TESMIN: variants seen among roughly 807,000 people sequenced by gnomAD.
TESMIN encodes the protein CXC domain containing 2.
Under a neutral mutation model 47.4 loss-of-function variants are expected in TESMIN, and 34 were observed. That is an observed-to-expected ratio of 0.72 (90% CI 0.55 to 0.96). TESMIN has a LOEUF of 0.96. TESMIN is among the 40% of genes least tolerant of loss of function. The pLI is 0.00. For synonymous variants in TESMIN, 278 were observed against 258.9 expected, an observed-to-expected ratio of 1.07 and a Z score of -0.71; for missense variants, 610 against 637.2, an observed-to-expected ratio of 0.96 and a Z score of 0.46.
intron 7 of TESMIN, among the ~76,000 whole-genome samples, chr11:68,713,891 C>A (rs1433077182): frequency 6.6e-6 from 1 of 152,038 alleles, no homozygotes; most frequent in Non-Finnish European, 1.5e-5. Context: ...TTGTTTTATA[C>A]CCGGAGAAAC....
At chr11:68,742,472 G>A in intron 4 of TESMIN, 78 bp from the exon 5 acceptor site, 1 of 880,248 alleles carries the variant, frequency 1.1e-6, no homozygotes, top group South Asian at 1.6e-5. Flanking sequence ...AAGTACAAAA[G>A]TCTGTTATGG....
At chr11:68,706,022 CAAAA>C (rs11306603), downstream of TESMIN, among the ~76,000 whole-genome samples, 14 of 84,418 alleles carry the variant, frequency 1.7e-4, no homozygotes, top group African/African-American at 4.7e-4. Context: ...GACTCCGTCT[CAAAA>C]AAAAAAAAAA....
rs759921167 is a variant in TESMIN, at chr11:68,747,376, A to G, written c.472-10T>C. ...CTTCCTTGATTTCAACCTAGAAAAA[A>G]GCAATAATTATTTTAGAGAACACAT... is the stretch of plus-strand genomic sequence containing the variant. On this transcript the variant is annotated splice_polypyrimidine_tract_variant and intron_variant, in intron 2 of 9. Transcript: ENST00000255087. 4 of 1,607,932 alleles carry G rather than the reference A, an allele frequency of 2.5e-6. No individual in the cohort carries two copies. Among genetic ancestry groups the G allele is most frequent in the East Asian group, 2.2e-5 (1 of 44,762 alleles).
chr11:68,737,672 G>A (rs1946402963), intron 6 of TESMIN: 2 of 985,106 alleles, frequency 2.0e-6, no homozygotes. Context: ...AGCACTTTGG[G>A]AGGCTGAGAT....
chr11:68,708,582 G>A (rs543921022), intron 9 of TESMIN, 82 bp from the exon 10 acceptor site: 4 of 1,193,466 alleles, frequency 3.4e-6, no homozygotes, highest in East Asian at 2.6e-5. Flanking sequence ...ACAGAACATT[G>A]CTTGTCCATG....
chr11:68,729,052 C>T (rs948452476), intron 6 of TESMIN, among the ~76,000 whole-genome samples: 1 of 152,184 alleles, frequency 6.6e-6, no homozygotes, highest in African/African-American at 2.4e-5. Flanking sequence ...ACTTTCAAGT[C>T]TCATTATTTA....
chr11:68,740,208 T>C (rs1946439893), intron 5 of TESMIN, among the ~76,000 whole-genome samples: 1 of 152,084 alleles, frequency 6.6e-6, no homozygotes, highest in South Asian at 2.1e-4. Context: ...GAACCTGAGG[T>C]TCTGCACTTC....
At chr11:68,731,978 G>A (rs572024686) in intron 6 of TESMIN, among the ~76,000 whole-genome samples, 5 of 152,272 alleles carry the variant, frequency 3.3e-5, no homozygotes, top group South Asian at 2.1e-4. Context: ...AAATGTTCAC[G>A]TTGTCTCTCC....
At chr11:68,739,843 CCT>C (rs959354179) in intron 5 of TESMIN, among the ~76,000 whole-genome samples, 12 of 152,298 alleles carry the variant, frequency 7.9e-5, no homozygotes, top group African/African-American at 2.4e-4. Context: ...TTGTTAGGCC[CCT>C]GTCTTCAAAT....
chr11:68,713,255 G>A lies in TESMIN; in HGVS notation c.1158+15C>T. On this transcript the variant is annotated intron_variant, in intron 8 of 9. Transcript: ENST00000255087. ...CTGTGTTTTTTGTTAGTGAGTTAGG[G>A]AGCTGGGCACTAACCTCATAGCACT... The A allele has an allele frequency of 6.2e-7, 1 of 1,608,930 alleles. No homozygotes were observed. The highest frequency in any genetic ancestry group is 8.5e-7 in the Non-Finnish European group (1 of 1,177,036).
chr11:68,716,056 A>C (rs1372896585), intron 6 of TESMIN, 117 bp from the exon 7 acceptor site: 1 of 650,374 alleles, frequency 1.5e-6, no homozygotes, highest in African/African-American at 1.8e-5. Flanking sequence ...AACACTGAAC[A>C]CTTTCATAGA....
In TESMIN at chr11:68,750,547, G is replaced by C. The variant is rs542506641; in HGVS notation, c.114C>G (p.Pro38=). ...FASENIGLKA[P]VKYEEDEFHV... is the part of the protein sequence containing the mutation. Reference sequence around the variant, plus strand: ...GGAACTCGTCCTCCTCGTACTTCACGGGGGCCTTCAGGCCGATGTTCTCCG... The same window carrying C: ...GGAACTCGTCCTCCTCGTACTTCACCGGGGCCTTCAGGCCGATGTTCTCCG... The change falls in exon 2 of 10, where the codon CCC becomes CCG. Residue 38 remains proline, a synonymous_variant. Coordinates refer to ENST00000255087, the MANE Select transcript of TESMIN (RefSeq NM_004923.3). 1.2e-6 allele frequency: 2 copies of C among 1,606,666 alleles called. No homozygotes were observed. The highest frequency in any genetic ancestry group is 2.2e-5 in the East Asian group (1 of 44,554).
intron 6 of TESMIN, among the ~76,000 whole-genome samples, chr11:68,718,691 C>T (rs1344095065): frequency 1.3e-5 from 2 of 152,154 alleles, no homozygotes; most frequent in Non-Finnish European, 2.9e-5. Context: ...GCACATTCTG[C>T]AGCACTGGGA....
chr11:68,718,650 T>A (rs1339809152), intron 6 of TESMIN, among the ~76,000 whole-genome samples: 1 of 152,202 alleles, frequency 6.6e-6, no homozygotes, highest in Non-Finnish European at 1.5e-5. Context: ...GCACAGTAGC[T>A]AGGAAAGAGA....
In TESMIN at chr11:68,737,388, C is replaced by T. The variant is rs979632931; in HGVS notation, c.917+1312G>A. The stretch of plus-strand genomic sequence containing the variant: ...CCCAGGAGCAACCAACGCCCTTCAG[C>T]GACCATGAGGGCTGATAGCGTTGAT... On this transcript the variant is annotated intron_variant, in intron 6 of 9. Transcript: ENST00000255087. 38 of 985,422 alleles carry T rather than the reference C, an allele frequency of 3.9e-5. No homozygotes were observed. In the African/African-American group the frequency reaches 4.5e-4, roughly 12 times the overall value. The allele number at this position is 985,422 out of a possible 1,614,324, so 61.0% of individuals were successfully genotyped here.
intron 3 of TESMIN, among the ~76,000 whole-genome samples, chr11:68,746,047 TA>T (rs1220845829): frequency 6.6e-6 from 1 of 152,256 alleles, no homozygotes; most frequent in Non-Finnish European, 1.5e-5. Context: ...GTTATCAAAG[TA>T]ATACACATTG....
rs11823031 is a variant in TESMIN at position 68,708,815 on chromosome 11, C to T, written c.1335-315G>A. 6.6e-5 allele frequency among the ~76,000 whole-genome samples: 10 copies of T among 151,446 alleles called. No individual in the cohort carries two copies. In the South Asian group the frequency reaches 1.7e-3, roughly 25 times the overall value. ...GTTGCCAGGCTGGAGTGCAATGGCA[C>T]GATCTCGGCTCACTGCAACCTCCAA... On this transcript the variant is annotated intron_variant, in intron 9 of 9. Coordinates refer to ENST00000255087, the MANE Select transcript of TESMIN (RefSeq NM_004923.3).
chr11:68,721,675 C>T (rs955946888), intron 6 of TESMIN, among the ~76,000 whole-genome samples: 4 of 152,132 alleles, frequency 2.6e-5, no homozygotes, highest in Admixed American at 2.6e-4. Context: ...TTGGAAAAGT[C>T]TCTGGAATCT....
intron 6 of TESMIN, among the ~76,000 whole-genome samples, chr11:68,735,891 G>T (rs558707103): frequency 6.6e-6 from 1 of 152,226 alleles, no homozygotes; most frequent in African/African-American, 2.4e-5. Context: ...AAATAACAGC[G>T]CCAGTAAAGA....
Sources: gnomAD v4.1 joint callset for allele counts (sites outside exome capture counted in the v4.1 genomes callset) on GRCh38, gnomAD v4.1.1 for gene constraint, MANE v1.5 for transcripts, NCBI Gene and HGNC (gene_info 2026-07-23, HGNC 2026-07-21) for gene names.